TMEM132D: variants seen among roughly 807,000 people sequenced by gnomAD.
TMEM132D encodes transmembrane protein 132D, also known as mature OL transmembrane protein.
Under a neutral mutation model 62.3 loss-of-function variants are expected in TMEM132D, and 21 were observed. The ratio of observed to expected loss-of-function variants is 0.34; its 90% CI spans 0.24 to 0.49. The LOEUF (loss-of-function observed/expected upper bound fraction) is 0.49. Ranked by LOEUF, TMEM132D falls within the 20% of genes least tolerant of loss-of-function variation. The pLI is 0.99. For missense variants in TMEM132D, 1,346 were observed against 1,402.8 expected, an observed-to-expected ratio of 0.96 and a Z score of 0.65; for synonymous variants, 621 against 575.6, an observed-to-expected ratio of 1.08 and a Z score of -1.13.
chr12:129,701,180 T>G (rs1045013299), intron 1 of TMEM132D, among the ~76,000 whole-genome samples: 1 of 152,206 alleles, frequency 6.6e-6, no homozygotes, highest in Non-Finnish European at 1.5e-5. Flanking sequence ...ACATTCCACC[T>G]GATACATATT....
At chr12:129,408,544 A>G (rs75069456) in intron 3 of TMEM132D, among the ~76,000 whole-genome samples, 1 of 151,842 alleles carries the variant, frequency 6.6e-6, no homozygotes, top group Non-Finnish European at 1.5e-5. Flanking sequence ...ACTGTTTTCA[A>G]AAAGTTTTTC....
chr12:129,752,316 A>G (rs898767371), intron 1 of TMEM132D, among the ~76,000 whole-genome samples: 1 of 152,224 alleles, frequency 6.6e-6, no homozygotes, highest in African/African-American at 2.4e-5. Flanking sequence ...AAAAACTCCA[A>G]GAGTGTGAGA....
At chr12:129,532,672 G>C (rs1399159504) in intron 2 of TMEM132D, among the ~76,000 whole-genome samples, 10 of 152,156 alleles carry the variant, frequency 6.6e-5, no homozygotes, top group Non-Finnish European at 5.9e-5. Context: ...ACGGTGCCTA[G>C]ACTGGGCAAA....
chr12:129,177,811 GT>G (rs1877947228), intron 5 of TMEM132D, among the ~76,000 whole-genome samples: 1 of 152,130 alleles, frequency 6.6e-6, no homozygotes, highest in South Asian at 2.1e-4. Context: ...GGATGTGCAG[GT>G]TTGTTACATC....
chr12:129,873,582 A>C (rs1300300066), intron 1 of TMEM132D, among the ~76,000 whole-genome samples: 1 of 152,238 alleles, frequency 6.6e-6, no homozygotes, highest in Non-Finnish European at 1.5e-5. Context: ...GAACCTGGGC[A>C]CAAAGAATGG....
chr12:129,275,622 C>G (rs1880982860), intron 4 of TMEM132D, among the ~76,000 whole-genome samples: 1 of 152,158 alleles, frequency 6.6e-6, no homozygotes, highest in South Asian at 2.1e-4. Flanking sequence ...TCAGGGGATG[C>G]TGGAATAAGG....
intron 1 of TMEM132D, among the ~76,000 whole-genome samples, chr12:129,711,419 G>A (rs894666036): frequency 4.6e-5 from 7 of 152,212 alleles, no homozygotes; most frequent in Non-Finnish European, 1.0e-4. Context: ...TCAAATGGGC[G>A]GTTGTTTAAA....
rs1180411126 is a variant in TMEM132D, at chr12:129,072,326, C to G, written c.*1549G>C. ...CCTCTTCTGCCCACCACCCGCTGCCCCCGACCATCTTTTGCAGGATCCTAT... is the reference window on the plus strand; with the variant it reads ...CCTCTTCTGCCCACCACCCGCTGCCGCCGACCATCTTTTGCAGGATCCTAT... On this transcript the variant is annotated 3_prime_UTR_variant, in exon 9 of 9. Coordinates refer to ENST00000422113, the MANE Select transcript of TMEM132D (RefSeq NM_133448.3). The G allele has an allele frequency of 6.6e-6, 1 of 152,612 alleles. No individual in the cohort carries two copies. Among genetic ancestry groups the G allele is most frequent in the African/African-American group, 2.4e-5 (1 of 41,410 alleles). The allele number at this position is 152,612 out of a possible 1,614,324, so 9.5% of individuals were successfully genotyped here.
At chr12:129,609,607 G>A (rs1389916002) in intron 2 of TMEM132D, among the ~76,000 whole-genome samples, 1 of 152,108 alleles carries the variant, frequency 6.6e-6, no homozygotes, top group Non-Finnish European at 1.5e-5. Context: ...GCAAATGCTG[G>A]GCTGGCAGGT....
intron 3 of TMEM132D, among the ~76,000 whole-genome samples, chr12:129,376,633 G>A (rs1247869432): frequency 1.3e-5 from 2 of 152,286 alleles, no homozygotes; most frequent in Admixed American, 6.5e-5. Context: ...CTTAGAGACA[G>A]GGCTTTTAAA....
chr12:129,837,291 C>T (rs1873036079), intron 1 of TMEM132D, among the ~76,000 whole-genome samples: 1 of 152,124 alleles, frequency 6.6e-6, no homozygotes, highest in Non-Finnish European at 1.5e-5. Context: ...CAAGGATATT[C>T]CCTTTTCATG....
At chr12:129,725,717 G>C (rs73158866) in intron 1 of TMEM132D, among the ~76,000 whole-genome samples, 13 of 152,202 alleles carry the variant, frequency 8.5e-5, no homozygotes, top group African/African-American at 2.9e-4. Context: ...AAGAGAAATG[G>C]AGAACCACTA....
intron 1 of TMEM132D, among the ~76,000 whole-genome samples, chr12:129,724,521 C>CTGTTTT (rs1165854596): frequency 3.3e-5 from 5 of 151,972 alleles, no homozygotes; most frequent in African/African-American, 9.7e-5. Context: ...TTTTTTGTTT[C>CTGTTTT]TGTTTTTGTT....
chr12:129,659,362 T>C lies in TMEM132D; in HGVS notation c.968+40448A>G, dbSNP rs1880177453. On this transcript the variant is annotated intron_variant, in intron 2 of 8. Transcript: ENST00000422113. ...AGCAAGAATTCCAGCATGACAAAGC[T>C]GGTTGTTCGATCAAGCTGCCACTCA... is the stretch of plus-strand genomic sequence containing the variant. 2.0e-5 allele frequency among the ~76,000 whole-genome samples: 3 copies of C among 152,208 alleles called. No individual in the cohort carries two copies. In the South Asian group the frequency reaches 6.2e-4, roughly 32 times the overall value.
chr12:129,750,162 T>C (rs926834872), intron 1 of TMEM132D, among the ~76,000 whole-genome samples: 4 of 152,232 alleles, frequency 2.6e-5, no homozygotes, highest in Admixed American at 2.6e-4. Flanking sequence ...CTCGGCTCCC[T>C]GCATGCTCCA....
At chr12:129,422,321 A>G (rs1593373527) in intron 3 of TMEM132D, among the ~76,000 whole-genome samples, 1 of 152,324 alleles carries the variant, frequency 6.6e-6, no homozygotes, top group Non-Finnish European at 1.5e-5. Context: ...ATTGCTTCTC[A>G]CATAATAAGA....
At chr12:129,557,327 A>C (rs1468328826) in intron 2 of TMEM132D, among the ~76,000 whole-genome samples, 2 of 152,224 alleles carry the variant, frequency 1.3e-5, no homozygotes, top group Non-Finnish European at 2.9e-5. Context: ...TCATAAATAC[A>C]GACAGTATAA....
intron 4 of TMEM132D, among the ~76,000 whole-genome samples, chr12:129,215,303 T>G (rs532829890): frequency 6.6e-6 from 1 of 152,040 alleles, no homozygotes; most frequent in African/African-American, 2.4e-5. Flanking sequence ...ACATAGAGGG[T>G]AACAACACAC....
chr12:129,580,493 C>A (rs1460526734), intron 2 of TMEM132D, among the ~76,000 whole-genome samples: 1 of 152,160 alleles, frequency 6.6e-6, no homozygotes, highest in Non-Finnish European at 1.5e-5. Context: ...ATGTCTACAT[C>A]TTTTTAGTAT....
Sources: allele counts gnomAD v4.1 joint callset (sites outside exome capture counted in the v4.1 genomes callset), GRCh38; gene constraint gnomAD v4.1.1; transcripts MANE v1.5; gene names NCBI Gene and HGNC (gene_info 2026-07-23, HGNC 2026-07-21).